TCERG1L: variants seen among roughly 807,000 people sequenced by gnomAD.
TCERG1L encodes transcription elongation regulator 1 like.
In TCERG1L, 37 loss-of-function variants were observed where a neutral mutation model predicts 56.3. The ratio of observed to expected loss-of-function variants is 0.66; its 90% CI spans 0.51 to 0.87. The LOEUF (loss-of-function observed/expected upper bound fraction) is 0.87. TCERG1L is among the 40% of genes least tolerant of loss of function. TCERG1L has a pLI of 0.00. For synonymous variants in TCERG1L, 324 were observed against 326.3 expected (o/e 0.99, Z 0.08); for missense variants, 799 against 774.2 (o/e 1.03, Z -0.38).
At chr10:131,291,318 T>A (rs1846618878) in intron 3 of TCERG1L, among the ~76,000 whole-genome samples, 1 of 151,100 alleles carries the variant, frequency 6.6e-6, no homozygotes, top group African/African-American at 2.4e-5. Context: ...TTCATATATA[T>A]CTGTCTGGGA....
intron 4 of TCERG1L, among the ~76,000 whole-genome samples, chr10:131,226,030 T>C (rs1480822101): frequency 2.0e-5 from 3 of 152,200 alleles, no homozygotes; most frequent in East Asian, 3.9e-4. Flanking sequence ...CTTGAATGCC[T>C]GGGCTCAAGT....
intron 4 of TCERG1L, among the ~76,000 whole-genome samples, chr10:131,198,504 TAA>T (rs1308684225): frequency 6.6e-6 from 1 of 152,220 alleles, no homozygotes; most frequent in African/African-American, 2.4e-5. Context: ...GAGTAATTTA[TAA>T]AGAGCAGAAG....
intron 3 of TCERG1L, among the ~76,000 whole-genome samples, chr10:131,307,402 C>T (rs1029377568): frequency 6.6e-6 from 1 of 152,136 alleles, no homozygotes; most frequent in Admixed American, 6.6e-5. Context: ...TTCACAAGAA[C>T]ATCTTATTAC....
chr10:131,108,680 G>A (rs1169403877), intron 9 of TCERG1L, among the ~76,000 whole-genome samples: 2 of 152,202 alleles, frequency 1.3e-5, no homozygotes, highest in Admixed American at 1.3e-4. Context: ...CCTGGGCTGT[G>A]TGGGTCCTGA....
At chr10:131,198,938 G>A (rs1224582749) in intron 4 of TCERG1L, among the ~76,000 whole-genome samples, 1 of 152,252 alleles carries the variant, frequency 6.6e-6, no homozygotes, top group South Asian at 2.1e-4. Context: ...AGCAGGTCCA[G>A]CCTCTCACCT....
intron 4 of TCERG1L, among the ~76,000 whole-genome samples, chr10:131,172,888 A>T (rs970927131): frequency 5.9e-5 from 8 of 135,460 alleles, no homozygotes; most frequent in Non-Finnish European, 7.8e-5. Context: ...ATAATCAATG[A>T]TTTTTTTTTT....
Position 131,092,947 on chromosome 10 carries a change from C to T in TCERG1L, c.*215G>A, listed in dbSNP as rs965401634. On this transcript the variant is annotated 3_prime_UTR_variant, in exon 12 of 12. Transcript: ENST00000368642. The stretch of plus-strand genomic sequence containing the variant: ...TAAAACAATTAAGGGATCGACGTAT[C>T]ACGGTGATTAGAAATGCATCAAACT... The T allele has an allele frequency of 2.0e-6, 1 of 512,698 alleles. No individual in the cohort carries two copies. The highest frequency in any genetic ancestry group is 3.4e-6 in the Non-Finnish European group (1 of 291,932). 31.8% of individuals were successfully genotyped at this position (512,698 alleles called of 1,614,324 possible).
chr10:131,110,773 G>A (rs949201152), intron 9 of TCERG1L, among the ~76,000 whole-genome samples: 6 of 152,198 alleles, frequency 3.9e-5, no homozygotes, highest in Non-Finnish European at 7.3e-5. Flanking sequence ...TCCAGTGGAC[G>A]CGTCAGCCCT....
At chr10:131,209,296 T>G (rs1178630817) in intron 4 of TCERG1L, among the ~76,000 whole-genome samples, 1 of 149,224 alleles carries the variant, frequency 6.7e-6, no homozygotes, top group African/African-American at 2.4e-5. Flanking sequence ...GTGGAAAGCA[T>G]TCTTTCTCAG....
chr10:131,127,277 C>T (rs1294445741), intron 8 of TCERG1L, among the ~76,000 whole-genome samples: 6 of 152,194 alleles, frequency 3.9e-5, no homozygotes, highest in Non-Finnish European at 7.3e-5. Context: ...ACAGGAGCAC[C>T]AGTGTGCGTG....
At chr10:131,234,021 CCA>C (rs966335432) in intron 4 of TCERG1L, among the ~76,000 whole-genome samples, 37 of 152,210 alleles carry the variant, frequency 2.4e-4, no homozygotes, top group African/African-American at 8.0e-4. Context: ...TGACCTTCTG[CCA>C]CATTGTGACA....
intron 4 of TCERG1L, among the ~76,000 whole-genome samples, chr10:131,212,622 T>C (rs991575849): frequency 6.6e-6 from 1 of 152,200 alleles, no homozygotes; most frequent in African/African-American, 2.4e-5. Flanking sequence ...TCTTAGGTAC[T>C]CTCCTGAAAT....
intron 3 of TCERG1L, among the ~76,000 whole-genome samples, chr10:131,276,387 A>C (rs1846393803): frequency 6.6e-6 from 1 of 152,266 alleles, no homozygotes; most frequent in South Asian, 2.1e-4. Context: ...TGTTTGCACA[A>C]CAACAAAAGT....
intron 3 of TCERG1L, among the ~76,000 whole-genome samples, chr10:131,271,043 G>T (rs560388725): frequency 6.6e-6 from 1 of 152,188 alleles, no homozygotes; most frequent in African/African-American, 2.4e-5. Context: ...GCTCCACATC[G>T]TGACTTCCTG....
intron 11 of TCERG1L, among the ~76,000 whole-genome samples, chr10:131,094,029 A>G (rs1038014224): frequency 6.6e-6 from 1 of 152,226 alleles, no homozygotes; most frequent in African/African-American, 2.4e-5. Context: ...GGTGCCCCGT[A>G]AGAAAATGCG....
At chr10:131,169,024 A>C (rs1439121303) in intron 4 of TCERG1L, among the ~76,000 whole-genome samples, 1 of 152,194 alleles carries the variant, frequency 6.6e-6, no homozygotes, top group African/African-American at 2.4e-5. Flanking sequence ...AGGACAGTGG[A>C]AATATTTTAC....
At chr10:131,160,087 G>C (rs1326179298) in intron 6 of TCERG1L, among the ~76,000 whole-genome samples, 3 of 152,134 alleles carry the variant, frequency 2.0e-5, no homozygotes, top group African/African-American at 7.2e-5. Context: ...CTATGGTACT[G>C]CACAGGTCCC....
At position 131,267,140 on chromosome 10, in the gene TCERG1L, G is replaced by A. The variant is rs1589766954; in HGVS notation, c.671-6696C>T. Among the ~76,000 whole-genome samples, 1 of 152,082 alleles carries A rather than the reference G, an allele frequency of 6.6e-6. No homozygotes were observed. The highest frequency in any genetic ancestry group is 2.4e-5 in the African/African-American group (1 of 41,426). On this transcript the variant is annotated intron_variant, in intron 3 of 11. Transcript: ENST00000368642. The surrounding 1 kb of genome is among the most constrained non-coding windows in gnomAD (Gnocchi z 4.9). ...ATGCCCAGGCCGCTTGCACCCAGGG[G>A]TACCCGCAGGCCAGTGCTGAGTTGC...
chr10:131,102,306 T>C (rs1252037554), intron 10 of TCERG1L, among the ~76,000 whole-genome samples: 1 of 152,210 alleles, frequency 6.6e-6, no homozygotes, highest in East Asian at 1.9e-4. Context: ...GGCCTACCCC[T>C]GAGCCTGCTC....
Sources: gnomAD v4.1 joint callset for allele counts (sites outside exome capture counted in the v4.1 genomes callset) on GRCh38, gnomAD v4.1.1 for gene constraint, Gnocchi (gnomAD v3.1) non-coding constraint, MANE v1.5 for transcripts, NCBI Gene and HGNC (gene_info 2026-07-23, HGNC 2026-07-21) for gene names.